SASH1: variants seen among roughly 807,000 people sequenced by gnomAD.
SASH1 encodes the protein SAM and SH3 domain containing 1, also known as SAM and SH3 domain-containing protein 1.
SASH1 carries 44 observed loss-of-function variants against 125.2 expected under a neutral mutation model. The ratio of observed to expected loss-of-function variants is 0.35; its 90% CI spans 0.28 to 0.45. SASH1 has a LOEUF of 0.45. Ranked by LOEUF, SASH1 falls within the 20% of genes least tolerant of loss-of-function variation. The pLI is 1.00. For missense variants in SASH1, 1,426 were observed against 1,614.5 expected (o/e 0.88, Z 2.00); for synonymous variants, 639 against 649.1 (o/e 0.98, Z 0.24).
In SASH1 at chr6:148,425,391, C is replaced by T. The variant is rs187192469; in HGVS notation, c.286-14793C>T. On this transcript the variant is annotated intron_variant, in intron 2 of 19. Transcript: ENST00000367467. ...CCGTATTTCTGTTGGCTGTAAAATG[C>T]TTAATAAATTTAAAATGGTTGTAAA... 1.9e-3 allele frequency among the ~76,000 whole-genome samples: 290 copies of T among 152,156 alleles called. 2 individuals are homozygous for T. The highest frequency in any genetic ancestry group is 6.9e-3 in the African/African-American group (286 of 41,520).
chr6:148,459,027 C>G (rs1207306794), intron 4 of SASH1, among the ~76,000 whole-genome samples: 1 of 149,192 alleles, frequency 6.7e-6, no homozygotes, highest in Non-Finnish European at 1.5e-5. Context: ...CACACACCCT[C>G]TAGCATATGT....
chr6:148,448,007 G>A (rs1776882326), intron 4 of SASH1, among the ~76,000 whole-genome samples: 2 of 152,078 alleles, frequency 1.3e-5, no homozygotes, highest in Non-Finnish European at 2.9e-5. Context: ...TCAGCTCTGG[G>A]GTTGGCCCCT....
intron 6 of SASH1, among the ~76,000 whole-genome samples, chr6:148,473,553 G>A (rs904640408): frequency 1.3e-5 from 2 of 152,122 alleles, no homozygotes; most frequent in Non-Finnish European, 2.9e-5. Flanking sequence ...TGTGCCCGGT[G>A]CACTTAGTTT....
At chr6:148,311,607 C>T (rs1272177068) in intron 1 of SASH1, among the ~76,000 whole-genome samples, 9 of 151,802 alleles carry the variant, frequency 5.9e-5, no homozygotes, top group South Asian at 4.2e-4. Flanking sequence ...AGTTTGAGAC[C>T]AGCCTGGTCA....
chr6:148,238,759 T>C, the SASH1 span, among the ~76,000 whole-genome samples: 2 of 152,144 alleles, frequency 1.3e-5, no homozygotes. Flanking sequence ...CAGTGGGTTC[T>C]CATTGAATAT....
upstream of SASH1, among the ~76,000 whole-genome samples, chr6:148,267,911 G>C (rs1399869433): frequency 6.6e-6 from 1 of 152,202 alleles, no homozygotes; most frequent in Non-Finnish European, 1.5e-5. Flanking sequence ...ATCATAGTCT[G>C]AGAGTTGGAA....
intron 1 of SASH1, among the ~76,000 whole-genome samples, chr6:148,344,549 T>C (rs1398087334): frequency 1.3e-5 from 2 of 152,108 alleles, no homozygotes; most frequent in African/African-American, 4.8e-5. Context: ...CTCTCCAGTA[T>C]TGAAAAATGT....
At chr6:148,218,926 A>G in the SASH1 span, among the ~76,000 whole-genome samples, 2 of 152,176 alleles carry the variant, frequency 1.3e-5, no homozygotes, top group African/African-American at 4.8e-5. Flanking sequence ...TCCAATCCAA[A>G]ATGAGCATAA....
the SASH1 span, among the ~76,000 whole-genome samples, chr6:148,206,697 G>C: frequency 0.013 from 2,027 of 151,610 alleles, 52 homozygotes; most frequent in African/African-American, 0.046. Context: ...GGCTGAGACA[G>C]GAGAATCGCT....
the SASH1 span, among the ~76,000 whole-genome samples, chr6:148,212,915 G>C: frequency 6.6e-6 from 1 of 152,192 alleles, no homozygotes; most frequent in Non-Finnish European, 1.5e-5. Flanking sequence ...GCAGTCCGGT[G>C]ATGGGGACGG....
At chr6:148,262,407 G>A in the SASH1 span, among the ~76,000 whole-genome samples, 1 of 152,118 alleles carries the variant, frequency 6.6e-6, no homozygotes, top group Non-Finnish European at 1.5e-5. Context: ...GACACAGACA[G>A]GTGTGGTGTT....
intron 2 of SASH1, among the ~76,000 whole-genome samples, chr6:148,404,873 A>C (rs1169357653): frequency 1.3e-5 from 2 of 150,318 alleles, no homozygotes; most frequent in Non-Finnish European, 3.0e-5. Context: ...GAACTGTCCA[A>C]GACAGCAGCA....
chr6:148,334,398 C>A (rs1325831192), intron 1 of SASH1, among the ~76,000 whole-genome samples: 26 of 133,550 alleles, frequency 1.9e-4, no homozygotes, highest in South Asian at 7.6e-4. Context: ...ACTGCACTCC[C>A]GCCTGGGCCA....
chr6:148,471,972 TGA>T (rs1299218612), intron 6 of SASH1, among the ~76,000 whole-genome samples: 4 of 152,234 alleles, frequency 2.6e-5, no homozygotes, highest in Admixed American at 6.5e-5. Flanking sequence ...TCCAGTGGTC[TGA>T]CATCATGGGA....
At chr6:148,296,486 C>T (rs1779769061) in intron 1 of SASH1, among the ~76,000 whole-genome samples, 1 of 152,288 alleles carries the variant, frequency 6.6e-6, no homozygotes, top group South Asian at 2.1e-4. Context: ...AGTAGACTTA[C>T]TTAGCAGTTA....
chr6:148,208,564 G>T, the SASH1 span, among the ~76,000 whole-genome samples: 2 of 152,136 alleles, frequency 1.3e-5, no homozygotes, highest in South Asian at 2.1e-4. Flanking sequence ...CATTATTATT[G>T]ATAAAAGTGT....
chr6:148,241,254 C>T, the SASH1 span, among the ~76,000 whole-genome samples: 4 of 152,186 alleles, frequency 2.6e-5, no homozygotes, highest in South Asian at 2.1e-4. Context: ...AACTGAGACT[C>T]GCCTTCTCAT....
intron 12 of SASH1, 89 bp from the exon 13 acceptor site, chr6:148,531,437 G>T: frequency 2.5e-6 from 3 of 1,178,488 alleles, no homozygotes; most frequent in Admixed American, 5.8e-5. Flanking sequence ...TGATTTGATT[G>T]ATTTCGTTGA....
chr6:148,303,952 G>A (rs1280886239), intron 1 of SASH1, among the ~76,000 whole-genome samples: 1 of 152,138 alleles, frequency 6.6e-6, no homozygotes, highest in African/African-American at 2.4e-5. Context: ...ACAATGCTCA[G>A]AAGGCAATGT....
Sources: gnomAD v4.1 joint callset for allele counts (sites outside exome capture counted in the v4.1 genomes callset) on GRCh38, gnomAD v4.1.1 for gene constraint, MANE v1.5 for transcripts, NCBI Gene and HGNC (gene_info 2026-07-23, HGNC 2026-07-21) for gene names.